PDE1A: variants seen among roughly 807,000 people sequenced by gnomAD.
The protein encoded by PDE1A is dual specificity calcium/calmodulin-dependent 3',5'-cyclic nucleotide phosphodiesterase 1A.
A neutral mutation model predicts 61.7 loss-of-function variants in PDE1A; 35 were observed. The observed-to-expected ratio is 0.57, with a 90% CI of 0.43 to 0.75. The LOEUF (loss-of-function observed/expected upper bound fraction) is 0.75, where lower values mean the gene tolerates loss of function less well. Among genes scored for constraint, PDE1A ranks in the 30% least tolerant of loss-of-function variants. The probability of loss-of-function intolerance (pLI) is 0.00; values close to 1 mark genes in which losing one functional copy is unlikely to be tolerated. For missense variants in PDE1A, 597 were observed against 630.6 expected (o/e 0.95, Z 0.57); for synonymous variants, 232 against 213.2 (o/e 1.09, Z -0.77).
At chr2:182,513,884 T>G (rs898127967) in intron 2 of PDE1A, among the ~76,000 whole-genome samples, 1 of 152,210 alleles carries the variant, frequency 6.6e-6, no homozygotes, top group Admixed American at 6.5e-5. Context: ...TTCAATTCAG[T>G]AAGAAGACTT....
chr2:182,323,961 T>C (rs1462019838), intron 1 of PDE1A, among the ~76,000 whole-genome samples: 1 of 152,026 alleles, frequency 6.6e-6, no homozygotes, highest in Non-Finnish European at 1.5e-5. Flanking sequence ...ATTTTCTCAG[T>C]GGGCCAGGGA....
chr2:182,628,306 A>G, the PDE1A span, among the ~76,000 whole-genome samples: 1 of 152,242 alleles, frequency 6.6e-6, no homozygotes. Flanking sequence ...TGGAGGAAAA[A>G]ATACATTCAA....
At chr2:182,452,968 T>A in intron 2 of PDE1A, among the ~76,000 whole-genome samples, 1 of 152,136 alleles carries the variant, frequency 6.6e-6, no homozygotes. Flanking sequence ...TGCACTTTTT[T>A]ATTTTGCCAT....
intron 1 of PDE1A, among the ~76,000 whole-genome samples, chr2:182,297,406 T>C (rs1694958580): frequency 6.6e-6 from 1 of 152,210 alleles, no homozygotes; most frequent in African/African-American, 2.4e-5. Flanking sequence ...ATCTTTATCC[T>C]TGGGCTGGCC....
At chr2:182,575,647 C>T in the PDE1A span, among the ~76,000 whole-genome samples, 1 of 149,758 alleles carries the variant, frequency 6.7e-6, no homozygotes, top group Admixed American at 6.7e-5. Flanking sequence ...GTCTGCCAGC[C>T]TAGAGGTCTT....
chr2:182,242,859 C>A (rs1690630369), intron 2 of PDE1A, among the ~76,000 whole-genome samples: 1 of 151,146 alleles, frequency 6.6e-6, no homozygotes, highest in Admixed American at 6.6e-5. Flanking sequence ...GTATCTCGCT[C>A]TCTCTCTCCT....
rs186188503 is a variant in PDE1A, at chr2:182,336,687, C to G, written c.54-72273G>C. Among the ~76,000 whole-genome samples, 358 of 152,086 alleles carry G rather than the reference C, an allele frequency of 2.4e-3. 3 individuals are homozygous for G. Among genetic ancestry groups the G allele is most frequent in the African/African-American group, 8.1e-3 (338 of 41,482 alleles). ...AATGTAGATGATGGGTTGATGGGTG[C>G]AGCAAACCACCATGGCACGTGTATA... On this transcript the variant is annotated intron_variant, in intron 1 of 13. Transcript: ENST00000351439.
At position 182,331,661 on chromosome 2, in the gene PDE1A, T is replaced by C. The variant is rs574284049; in HGVS notation, c.54-67247A>G. 1.3e-4 allele frequency among the ~76,000 whole-genome samples: 20 copies of C among 152,350 alleles called. No individual in the cohort carries two copies. The South Asian group carries it at 2.7e-3, about 20-fold the overall frequency. ...GGTTGAAAGTTCTTTTCTTTAAGAA[T>C]GTTGAATATTGTCACCCACTCTCTT... On this transcript the variant is annotated intron_variant, in intron 1 of 13. Transcript: ENST00000351439.
chr2:182,285,838 G>T (rs1694122273), intron 1 of PDE1A, among the ~76,000 whole-genome samples: 2 of 152,052 alleles, frequency 1.3e-5, no homozygotes, highest in South Asian at 2.1e-4. Flanking sequence ...TTCAGCAGAG[G>T]AATAGCAGAC....
chr2:182,663,565 T>C, the PDE1A span, among the ~76,000 whole-genome samples: 1 of 152,134 alleles, frequency 6.6e-6, no homozygotes, highest in South Asian at 2.1e-4. Flanking sequence ...AGCATACTAA[T>C]GCAGGAACAG....
intron 1 of PDE1A, among the ~76,000 whole-genome samples, chr2:182,295,567 G>C (rs1330340646): frequency 6.6e-6 from 1 of 152,116 alleles, no homozygotes; most frequent in Non-Finnish European, 1.5e-5. Flanking sequence ...GCCCTGAATG[G>C]TATCTACGGA....
At chr2:182,514,282 T>C (rs180721362) in intron 2 of PDE1A, among the ~76,000 whole-genome samples, 538 of 152,308 alleles carry the variant, frequency 3.5e-3, no homozygotes, top group Admixed American at 7.2e-3. Context: ...TCAATGTTAT[T>C]CCTATCAAAC....
In PDE1A at chr2:182,515,994, G is replaced by GTGTGTGTGTGTA. The variant is rs57935552; in HGVS notation, c.101+6281_101+6282insTACACACACACA. Among the ~76,000 whole-genome samples the GTGTGTGTGTGTA allele has an allele frequency of 6.3e-3, 918 of 145,772 alleles. 11 individuals carry two copies. The highest frequency in any genetic ancestry group is 0.019 in the East Asian group (95 of 4,900). ...TGTGTGTGTGTGTGTGTGTGTGTGTGTGTGTGTGTTGGGTGAGGACAGGAA... is the reference window on the plus strand; with the variant it reads ...TGTGTGTGTGTGTGTGTGTGTGTGTGTGTGTGTGTGTATGTGTGTGTTGGGTGAGGACAGGAA... On this transcript the variant is annotated intron_variant, in intron 2 of 14. Transcript: ENST00000410103.
chr2:182,649,105 A>T, the PDE1A span, among the ~76,000 whole-genome samples: 1 of 152,220 alleles, frequency 6.6e-6, no homozygotes, highest in Non-Finnish European at 1.5e-5. Flanking sequence ...AATACATCTG[A>T]AACTATCATC....
intron 10 of PDE1A, among the ~76,000 whole-genome samples, chr2:182,200,437 T>A (rs989006194): frequency 1.3e-5 from 2 of 152,148 alleles, no homozygotes; most frequent in Non-Finnish European, 2.9e-5. Context: ...AATGAAACCT[T>A]GATAAATACT....
intron 1 of PDE1A, among the ~76,000 whole-genome samples, chr2:182,400,855 G>A (rs959619842): frequency 6.6e-6 from 1 of 152,172 alleles, no homozygotes; most frequent in Non-Finnish European, 1.5e-5. Flanking sequence ...CTTTCATAAA[G>A]TTTAGTAGAG....
At chr2:182,390,291 T>A (rs1701347020) in intron 1 of PDE1A, among the ~76,000 whole-genome samples, 1 of 152,160 alleles carries the variant, frequency 6.6e-6, no homozygotes, top group Non-Finnish European at 1.5e-5. Context: ...AACCCCAAAA[T>A]ACTAAGGACT....
At chr2:182,490,170 T>C (rs1688288714) in intron 2 of PDE1A, among the ~76,000 whole-genome samples, 1 of 152,202 alleles carries the variant, frequency 6.6e-6, no homozygotes, top group African/African-American at 2.4e-5. Context: ...CTTGGCAATA[T>C]GGAGGCCATC....
intron 1 of PDE1A, among the ~76,000 whole-genome samples, chr2:182,271,823 C>T (rs1693046746): frequency 6.6e-6 from 1 of 152,022 alleles, no homozygotes; most frequent in African/African-American, 2.4e-5. Context: ...TTTATTGGTG[C>T]TCACCACTGA....
Sources: gnomAD v4.1 joint callset for allele counts (sites outside exome capture counted in the v4.1 genomes callset) on GRCh38, gnomAD v4.1.1 for gene constraint, MANE v1.5 for transcripts, NCBI Gene and HGNC (gene_info 2026-07-23, HGNC 2026-07-21) for gene names.